EDARADD: variants seen among roughly 807,000 people sequenced by gnomAD.
EDARADD encodes EDAR associated via death domain.
Under a neutral mutation model 25.6 loss-of-function variants are expected in EDARADD, and 20 were observed. That is an observed-to-expected ratio of 0.78 (90% CI 0.55 to 1.14). EDARADD has a LOEUF of 1.14. Among genes scored for constraint, EDARADD ranks in the 50% most tolerant of loss-of-function variants. The pLI, the probability that EDARADD is intolerant of heterozygous loss-of-function variation, is 0.00. For synonymous variants in EDARADD, 86 were observed against 94.4 expected, an observed-to-expected ratio of 0.91 and a Z score of 0.52; for missense variants, 225 against 270.1, an observed-to-expected ratio of 0.83 and a Z score of 1.17.
At chr1:236,409,172 T>G (rs756282604) in intron 1 of EDARADD, 44 bp from the exon 2 acceptor site, 1 of 1,518,806 alleles carries the variant, frequency 6.6e-7, no homozygotes, top group Non-Finnish European at 9.1e-7. Context: ...GGTTTTAAAT[T>G]AAAGCAAACC....
chr1:236,363,003 AAAAAT>A (rs1466966344), intron 3 of EDARADD, among the ~76,000 whole-genome samples: 14 of 92,222 alleles, frequency 1.5e-4, no homozygotes, highest in Non-Finnish European at 6.2e-5. Flanking sequence ...AAAAAAAAAA[AAAAAT>A]ATATATATAT....
intron 3 of EDARADD, among the ~76,000 whole-genome samples, chr1:236,363,964 G>A (rs1667083657): frequency 1.3e-5 from 2 of 151,924 alleles, no homozygotes; most frequent in Admixed American, 6.6e-5. Flanking sequence ...TCAGGAGTTC[G>A]AGACCAGCCT....
intron 4 of EDARADD, among the ~76,000 whole-genome samples, chr1:236,458,651 T>C (rs1458768959): frequency 6.8e-6 from 1 of 148,006 alleles, no homozygotes; most frequent in Non-Finnish European, 1.5e-5. Context: ...CTTTTTTTTT[T>C]TTTTTTTTTG....
chr1:236,442,634 A>G (rs531220130), intron 4 of EDARADD, among the ~76,000 whole-genome samples: 1 of 152,350 alleles, frequency 6.6e-6, no homozygotes, highest in Admixed American at 6.5e-5. Context: ...GCTGTGCTCT[A>G]TAAATAAAAC....
chr1:236,385,498 C>T (rs779166285), intron 3 of EDARADD, among the ~76,000 whole-genome samples: 10 of 149,790 alleles, frequency 6.7e-5, no homozygotes, highest in Non-Finnish European at 1.3e-4. Context: ...CTGAGGTGGG[C>T]AGATCATCTG....
At chr1:236,431,867 G>T (rs1406048307) in intron 4 of EDARADD, among the ~76,000 whole-genome samples, 6 of 110,586 alleles carry the variant, frequency 5.4e-5, no homozygotes, top group African/African-American at 1.7e-4. Context: ...CTTGCAGTGA[G>T]CCGAGATTGC....
intron 4 of EDARADD, among the ~76,000 whole-genome samples, chr1:236,445,764 T>C (rs1199078077): frequency 2.0e-5 from 3 of 152,326 alleles, no homozygotes; most frequent in Admixed American, 6.5e-5. Context: ...GGAGGTGAGA[T>C]ATTACCTCCA....
intron 5 of EDARADD, among the ~76,000 whole-genome samples, chr1:236,480,096 C>CATATATATATATATATAT (rs72215388): frequency 2.7e-4 from 21 of 77,860 alleles, no homozygotes; most frequent in South Asian, 4.6e-4. Context: ...TTAAGTATGC[C>CATATATATATATATATAT]ATATATATAT....
intron 3 of EDARADD, among the ~76,000 whole-genome samples, chr1:236,425,278 A>G (rs537175407): frequency 1.7e-4 from 26 of 152,286 alleles, no homozygotes; most frequent in Middle Eastern, 3.4e-3. Context: ...TTCTTTCTTC[A>G]TTAGCACCTG....
intron 4 of EDARADD, among the ~76,000 whole-genome samples, chr1:236,434,185 C>T (rs1658180590): frequency 6.6e-6 from 1 of 152,214 alleles, no homozygotes; most frequent in South Asian, 2.1e-4. Flanking sequence ...CCCAGGACAG[C>T]TTAGAACACA....
At chr1:236,383,785 T>G (rs1040011882) in intron 3 of EDARADD, among the ~76,000 whole-genome samples, 2 of 151,840 alleles carry the variant, frequency 1.3e-5, no homozygotes, top group African/African-American at 4.8e-5. Context: ...GGGAGGGTCA[T>G]TTGGGGTCAA....
upstream of EDARADD, among the ~76,000 whole-genome samples, chr1:236,391,831 A>G (rs150575770): frequency 8.8e-4 from 134 of 152,318 alleles, 3 homozygotes; most frequent in South Asian, 0.012. Context: ...CATGAGACCA[A>G]CAGTCCTTTC....
chr1:236,363,983 T>C (rs1477595205), intron 3 of EDARADD, among the ~76,000 whole-genome samples: 1 of 152,000 alleles, frequency 6.6e-6, no homozygotes, highest in African/African-American at 2.4e-5. Context: ...CTGGACAACA[T>C]AGCAAGACTG....
rs116769315 is a variant in EDARADD at position 236,349,400 on chromosome 1, C to A, written c.-142+434C>A. ...ATATGAGACGGCCAAATATGAGTGG[C>A]CATGTTGCGTGACATGTGCCCAAGG... On this transcript the variant is annotated intron_variant, in intron 2 of 7. Coordinates refer to the EDARADD transcript ENST00000439430. Among the ~76,000 whole-genome samples the A allele has an allele frequency of 1.1e-3, 167 of 152,120 alleles. 2 individuals carry two copies. Among genetic ancestry groups the A allele is most frequent in the African/African-American group, 4.0e-3 (165 of 41,508 alleles).
chr1:236,431,659 C>A (rs1308720187), intron 4 of EDARADD, among the ~76,000 whole-genome samples: 1 of 49,694 alleles, frequency 2.0e-5, no homozygotes, highest in African/African-American at 3.8e-5. Flanking sequence ...CGGTGGCTCA[C>A]GCCTGTAATC....
chr1:236,383,445 C>T lies in EDARADD; in HGVS notation c.-5-25771C>T, dbSNP rs533493628. On this transcript the variant is annotated intron_variant, in intron 3 of 7. Coordinates refer to the EDARADD transcript ENST00000439430. The stretch of plus-strand genomic sequence containing the variant: ...AGCTGAGTGCAATCATAGGAATCCC[C>T]TTGTTTGTATTCCAGCTCCCAGAGA... Among the ~76,000 whole-genome samples the T allele has an allele frequency of 3.7e-4, 56 of 151,526 alleles. 1 individual carries two copies. The highest frequency in any genetic ancestry group is 2.2e-4 in the Non-Finnish European group (15 of 67,904).
chr1:236,409,625 G>A (rs1304230483), intron 2 of EDARADD, among the ~76,000 whole-genome samples: 1 of 151,638 alleles, frequency 6.6e-6, no homozygotes, highest in Non-Finnish European at 1.5e-5. Context: ...GCAGTGGCGC[G>A]ATCTCAGCTC....
At chr1:236,443,679 G>A (rs1252129754) in intron 4 of EDARADD, among the ~76,000 whole-genome samples, 1 of 152,204 alleles carries the variant, frequency 6.6e-6, no homozygotes, top group African/African-American at 2.4e-5. Context: ...AGTTTCTTGT[G>A]ATGGAATCTG....
intron 5 of EDARADD, among the ~76,000 whole-genome samples, chr1:236,468,502 T>C (rs918180278): frequency 1.3e-5 from 2 of 151,948 alleles, no homozygotes; most frequent in Admixed American, 1.3e-4. Context: ...GCGCCTGTAA[T>C]CCCAGCTACT....
Sources: gnomAD v4.1 joint callset for allele counts (sites outside exome capture counted in the v4.1 genomes callset) on GRCh38, gnomAD v4.1.1 for gene constraint, MANE v1.5 for transcripts, NCBI Gene and HGNC (gene_info 2026-07-23, HGNC 2026-07-21) for gene names.